The following ZFHX3 variants were observed in gnomAD, a reference collection of about 807,000 sequenced individuals.
ZFHX3 encodes zinc finger homeobox 3, also known as zinc finger homeobox protein 3.
A neutral mutation model predicts 279.1 loss-of-function variants in ZFHX3; 42 were observed. That is an observed-to-expected ratio of 0.15 (90% CI 0.12 to 0.19). The LOEUF (loss-of-function observed/expected upper bound fraction) is 0.19, where lower values mean the gene tolerates loss of function less well. ZFHX3 is among the 10% of genes least tolerant of loss of function. ZFHX3 has a pLI of 1.00. For synonymous variants in ZFHX3, 2,293 were observed against 1,957.8 expected, an observed-to-expected ratio of 1.17 and a Z score of -4.52; for missense variants, 4,981 against 4,754.0, an observed-to-expected ratio of 1.05 and a Z score of -1.40.
At chr16:73,295,181 C>CT (rs1337290402) in intron 4 of ZFHX3, among the ~76,000 whole-genome samples, 9 of 152,234 alleles carry the variant, frequency 5.9e-5, no homozygotes, top group Admixed American at 2.0e-4. Flanking sequence ...CGCCACTGCA[C>CT]TCCAGCCTGG....
intron 1 of ZFHX3, among the ~76,000 whole-genome samples, chr16:73,036,861 A>T (rs1964926227): frequency 6.6e-6 from 1 of 152,222 alleles, no homozygotes; most frequent in Non-Finnish European, 1.5e-5. Context: ...GCCGTGGCCT[A>T]CTCAAGAGGT....
intron 2 of ZFHX3, among the ~76,000 whole-genome samples, chr16:73,560,058 G>GA (rs199943760): frequency 6.6e-5 from 10 of 151,914 alleles, no homozygotes; most frequent in Non-Finnish European, 7.4e-5. Flanking sequence ...CCTGAGGGGG[G>GA]AAAAAAAACC....
At chr16:73,116,210 T>C (rs1445390466) in intron 7 of ZFHX3, among the ~76,000 whole-genome samples, 3 of 152,044 alleles carry the variant, frequency 2.0e-5, no homozygotes, top group Non-Finnish European at 4.4e-5. Context: ...AAACTGTTCC[T>C]ACCTTCAAGA....
chr16:72,938,755 A>G (rs1272813570), intron 3 of ZFHX3, among the ~76,000 whole-genome samples: 1 of 152,218 alleles, frequency 6.6e-6, no homozygotes, highest in East Asian at 1.9e-4. Flanking sequence ...CGAGTTGGAC[A>G]CAAAGAGACG....
intron 1 of ZFHX3, among the ~76,000 whole-genome samples, chr16:73,849,328 T>C (rs184976234): frequency 6.6e-6 from 1 of 152,350 alleles, no homozygotes; most frequent in Admixed American, 6.5e-5. Context: ...TTGAATTACC[T>C]TTATTGCACT....
At chr16:73,664,937 G>C (rs1028879462) in intron 2 of ZFHX3, among the ~76,000 whole-genome samples, 2 of 152,104 alleles carry the variant, frequency 1.3e-5, no homozygotes, top group African/African-American at 2.4e-5. Flanking sequence ...ATATGTAATG[G>C]GATAAACATA....
intron 4 of ZFHX3, among the ~76,000 whole-genome samples, chr16:72,850,184 C>A (rs1443914126): frequency 6.6e-6 from 1 of 152,200 alleles, no homozygotes; most frequent in Non-Finnish European, 1.5e-5. Flanking sequence ...CCTGGGGAAG[C>A]CTTCCTGACC....
intron 5 of ZFHX3, among the ~76,000 whole-genome samples, chr16:73,179,524 T>TAA (rs201545536): frequency 6.6e-6 from 1 of 151,428 alleles, no homozygotes; most frequent in African/African-American, 2.4e-5. Flanking sequence ...AGTGCATTAA[T>TAA]AAAAAAAAAT....
Position 72,788,045 on chromosome 16 carries a change from C to T in ZFHX3, c.10231G>A (p.Asp3411Asn), listed in dbSNP as rs775913196. 1.9e-6 allele frequency: 3 copies of T among 1,612,166 alleles called. No individual in the cohort carries two copies. The highest frequency in any genetic ancestry group is 2.5e-6 in the Non-Finnish European group (3 of 1,179,874). The change falls in exon 10 of 10, where the codon GAC becomes AAC. Residue 3411 changes from aspartate to asparagine, a missense_variant. Coordinates refer to ENST00000268489, the MANE Select transcript of ZFHX3 (RefSeq NM_006885.4). ...GGGGATTCTTTGGCAGGGTCTTTGT[C>T]TGGGGAAGGAGCCCCGGGGGGGACT... ...TPVPPGAPSP[D>N]KDPAKESPKP...
At chr16:73,055,847 T>TACACAC (rs10672414) in intron 1 of ZFHX3, among the ~76,000 whole-genome samples, 22,025 of 138,336 alleles carry the variant, frequency 0.16, 2,646 homozygotes, top group East Asian at 0.67. Context: ...CCTACAACTC[T>TACACAC]ACACACACAC....
chr16:73,000,744 T>C (rs958549618), intron 1 of ZFHX3, among the ~76,000 whole-genome samples: 2 of 152,122 alleles, frequency 1.3e-5, no homozygotes, highest in African/African-American at 4.8e-5. Flanking sequence ...AAAGCCTAAC[T>C]GGAAAAGGAC....
At chr16:73,508,295 T>C (rs2019363151) in intron 2 of ZFHX3, among the ~76,000 whole-genome samples, 1 of 152,196 alleles carries the variant, frequency 6.6e-6, no homozygotes, top group African/African-American at 2.4e-5. Flanking sequence ...TAAAGTTAGA[T>C]CCAGTATTGA....
chr16:72,919,978 A>G (rs1257938621), intron 3 of ZFHX3, among the ~76,000 whole-genome samples: 1 of 151,436 alleles, frequency 6.6e-6, no homozygotes, highest in East Asian at 2.0e-4. Flanking sequence ...TATTTTTAGT[A>G]GAGACGGGGT....
In ZFHX3 at chr16:73,552,108, T is replaced by C. The variant is rs191704411; in HGVS notation, c.-1546-95850A>G. ...GTATCTTTTACTCATCTCATCCAAATAGACTTCTAACTACAGCCCTAACTC... is the reference window on the plus strand; with the variant it reads ...GTATCTTTTACTCATCTCATCCAAACAGACTTCTAACTACAGCCCTAACTC... On this transcript the variant is annotated intron_variant, in intron 2 of 17. Coordinates refer to the ZFHX3 transcript ENST00000641206. Among the ~76,000 whole-genome samples, 95 of 152,280 alleles carry C rather than the reference T, an allele frequency of 6.2e-4. No individual in the cohort carries two copies. The East Asian group carries it at 0.014, about 22-fold the overall frequency.
chr16:73,236,792 T>C (rs974376287), intron 5 of ZFHX3, among the ~76,000 whole-genome samples: 3 of 152,066 alleles, frequency 2.0e-5, no homozygotes, highest in African/African-American at 7.2e-5. Flanking sequence ...TTCTTACCCA[T>C]CCACAGCACT....
chr16:73,679,875 C>A (rs557743169), intron 2 of ZFHX3: 1 of 152,308 alleles, frequency 6.6e-6, no homozygotes, highest in East Asian at 1.9e-4. Flanking sequence ...CCAACAAAAT[C>A]TTTAGCAACA....
At chr16:72,809,537 T>C (rs2036375817) in intron 7 of ZFHX3, 1 of 152,198 alleles carries the variant, frequency 6.6e-6, no homozygotes, top group Admixed American at 6.5e-5. Context: ...TAATTTAACT[T>C]CAAAGATCTC....
chr16:72,865,557 G>A (rs1196652128), intron 4 of ZFHX3, among the ~76,000 whole-genome samples: 1 of 152,244 alleles, frequency 6.6e-6, no homozygotes, highest in East Asian at 1.9e-4. Flanking sequence ...AGGGCACACT[G>A]ACAAGGAGTA....
At chr16:73,742,735 G>T (rs191097231) in intron 1 of ZFHX3, among the ~76,000 whole-genome samples, 11 of 152,152 alleles carry the variant, frequency 7.2e-5, no homozygotes, top group Admixed American at 3.3e-4. Flanking sequence ...GAAGAATCAG[G>T]GTTCCCCTTT....
Sources: allele counts gnomAD v4.1 joint callset (sites outside exome capture counted in the v4.1 genomes callset), GRCh38; gene constraint gnomAD v4.1.1; transcripts MANE v1.5; gene names NCBI Gene and HGNC (gene_info 2026-07-23, HGNC 2026-07-21).